Variants in ZMAT4 observed in about 807,000 individuals in gnomAD.
ZMAT4 encodes the protein zinc finger matrin-type 4, also known as zinc finger matrin-type protein 4.
Under a neutral mutation model 28.7 loss-of-function variants are expected in ZMAT4, and 17 were observed. The observed-to-expected ratio is 0.59, with a 90% CI of 0.41 to 0.89. ZMAT4 has a LOEUF of 0.89. Among genes scored for constraint, ZMAT4 ranks in the 40% least tolerant of loss-of-function variants. The pLI is 0.00. For synonymous variants in ZMAT4, 117 were observed against 109.2 expected, an observed-to-expected ratio of 1.07 and a Z score of -0.44; for missense variants, 240 against 283.8, an observed-to-expected ratio of 0.85 and a Z score of 1.11.
At chr8:40,866,464 A>C (rs1234263858) in intron 1 of ZMAT4, among the ~76,000 whole-genome samples, 1 of 152,218 alleles carries the variant, frequency 6.6e-6, no homozygotes, top group African/African-American at 2.4e-5. Context: ...CCAAGCAAAA[A>C]TCACTTAGCT....
intron 5 of ZMAT4, among the ~76,000 whole-genome samples, chr8:40,626,404 A>C (rs1046137747): frequency 1.3e-5 from 2 of 152,228 alleles, no homozygotes; most frequent in African/African-American, 2.4e-5. Flanking sequence ...CTCTAGAAAC[A>C]GCAGCACTAG....
chr8:40,773,256 G>C (rs1813456632), intron 2 of ZMAT4, among the ~76,000 whole-genome samples: 1 of 152,166 alleles, frequency 6.6e-6, no homozygotes, highest in Non-Finnish European at 1.5e-5. Flanking sequence ...CTAAAGGAAG[G>C]CTTCTCCAAC....
chr8:40,684,984 TTAA>T (rs1809336328), intron 4 of ZMAT4, among the ~76,000 whole-genome samples: 1 of 152,204 alleles, frequency 6.6e-6, no homozygotes, highest in African/African-American at 2.4e-5. Context: ...AACATTGGTC[TTAA>T]TAACCTATGG....
chr8:40,679,364 C>T (rs1809049441), intron 4 of ZMAT4, among the ~76,000 whole-genome samples: 1 of 152,038 alleles, frequency 6.6e-6, no homozygotes, highest in Non-Finnish European at 1.5e-5. Context: ...TTAGTCTGTT[C>T]TCACCCTACT....
chr8:40,675,394 G>T (rs1472855551), intron 4 of ZMAT4, among the ~76,000 whole-genome samples: 2 of 151,632 alleles, frequency 1.3e-5, no homozygotes, highest in Non-Finnish European at 2.9e-5. Flanking sequence ...CAGGGGACAA[G>T]CTCAATGAGC....
chr8:40,697,158 A>G, intron 4 of ZMAT4, 87 bp downstream of exon 4: 1 of 1,433,010 alleles, frequency 7.0e-7, no homozygotes, highest in Non-Finnish European at 9.3e-7. Context: ...GGTTCTGGCA[A>G]CTGCGTCTGA....
intron 1 of ZMAT4, among the ~76,000 whole-genome samples, chr8:40,861,363 C>T (rs913107655): frequency 2.6e-5 from 4 of 152,192 alleles, no homozygotes; most frequent in African/African-American, 9.7e-5. Context: ...GGAAAACTGG[C>T]TAGCCATATG....
rs1312175737 is a variant in ZMAT4 at position 40,831,000 on chromosome 8, A to G, written c.-4-5320T>C. Among the ~76,000 whole-genome samples the G allele has an allele frequency of 9.2e-5, 14 of 152,354 alleles. No individual in the cohort carries two copies. The East Asian group carries it at 2.5e-3, about 27-fold the overall frequency. ...CACGCAAAAAGGGGATATTACCATCATTACCATTAATATTATTAATTTTGT... is the reference window on the plus strand; with the variant it reads ...CACGCAAAAAGGGGATATTACCATCGTTACCATTAATATTATTAATTTTGT... On this transcript the variant is annotated intron_variant, in intron 1 of 6. Transcript: ENST00000297737.
At chr8:40,806,917 G>C (rs1382953273) in intron 2 of ZMAT4, among the ~76,000 whole-genome samples, 11 of 151,856 alleles carry the variant, frequency 7.2e-5, no homozygotes, top group Non-Finnish European at 1.5e-4. Context: ...TTATCACCAG[G>C]CTCCAAACTT....
intron 1 of ZMAT4, among the ~76,000 whole-genome samples, chr8:40,878,487 A>G (rs541002396): frequency 3.9e-5 from 6 of 152,256 alleles, no homozygotes; most frequent in Non-Finnish European, 8.8e-5. Flanking sequence ...TTGAAACCAG[A>G]TATATCAGAA....
At chr8:40,723,187 T>C (rs1446214447) in intron 3 of ZMAT4, among the ~76,000 whole-genome samples, 1 of 152,142 alleles carries the variant, frequency 6.6e-6, no homozygotes, top group African/African-American at 2.4e-5. Context: ...AAGAAAGGGA[T>C]AGGAGAATGA....
intron 3 of ZMAT4, among the ~76,000 whole-genome samples, chr8:40,747,084 C>T (rs1023593316): frequency 6.6e-6 from 1 of 152,178 alleles, no homozygotes; most frequent in African/African-American, 2.4e-5. Flanking sequence ...GTGCTCACTA[C>T]TTATGCTATG....
chr8:40,757,371 C>A (rs145610685), intron 3 of ZMAT4, among the ~76,000 whole-genome samples: 1,928 of 152,198 alleles, frequency 0.013, 21 homozygotes, highest in South Asian at 0.034. Flanking sequence ...CATACACACA[C>A]GCATGCACAC....
chr8:40,557,002 C>A (rs1317323081), intron 6 of ZMAT4, among the ~76,000 whole-genome samples: 1 of 152,140 alleles, frequency 6.6e-6, no homozygotes, highest in Non-Finnish European at 1.5e-5. Flanking sequence ...ACAAACTCTT[C>A]TCAGACACTG....
rs571127895 is a variant in ZMAT4, at chr8:40,647,501, G to T, written c.577+27203C>A. Among the ~76,000 whole-genome samples, 229 of 152,250 alleles carry T rather than the reference G, an allele frequency of 1.5e-3. 1 individual carries two copies. The Middle Eastern group carries it at 0.02, about 14-fold the overall frequency. On this transcript the variant is annotated intron_variant, in intron 5 of 6. Coordinates refer to ENST00000297737, the MANE Select transcript of ZMAT4 (RefSeq NM_024645.3). The stretch of plus-strand genomic sequence containing the variant: ...CAAGGTGGCAGCGAGGCTGGGGGAG[G>T]GGCGCCCACCATTGCCCAGGCTTGA...
chr8:40,734,994 A>T (rs778413274), intron 3 of ZMAT4, among the ~76,000 whole-genome samples: 1 of 152,216 alleles, frequency 6.6e-6, no homozygotes, highest in Non-Finnish European at 1.5e-5. Flanking sequence ...TGTTGTGGGA[A>T]CGCCTATGTC....
chr8:40,623,368 GAAT>G (rs1435883706), intron 5 of ZMAT4, among the ~76,000 whole-genome samples: 1 of 152,176 alleles, frequency 6.6e-6, no homozygotes, highest in Non-Finnish European at 1.5e-5. Flanking sequence ...TGGAAAACAA[GAAT>G]AATATTTTCC....
intron 6 of ZMAT4, among the ~76,000 whole-genome samples, chr8:40,564,031 A>G (rs1163887282): frequency 6.6e-6 from 1 of 152,118 alleles, no homozygotes; most frequent in Non-Finnish European, 1.5e-5. Flanking sequence ...GAGACCACAC[A>G]TCTAATCTCC....
chr8:40,585,913 G>T (rs1320872656), intron 5 of ZMAT4, among the ~76,000 whole-genome samples: 1 of 152,140 alleles, frequency 6.6e-6, no homozygotes, highest in African/African-American at 2.4e-5. Flanking sequence ...GGTTCAGCTT[G>T]CAATAGGCAT....
Sources: gnomAD v4.1 joint callset for allele counts (sites outside exome capture counted in the v4.1 genomes callset) on GRCh38, gnomAD v4.1.1 for gene constraint, MANE v1.5 for transcripts, NCBI Gene and HGNC (gene_info 2026-07-23, HGNC 2026-07-21) for gene names.